Variants in ADAMTSL1 observed in about 807,000 individuals in gnomAD.
ADAMTSL1 encodes the protein ADAMTS like 1, also known as ADAMTS-like protein 1.
Under a neutral mutation model 201.8 loss-of-function variants are expected in ADAMTSL1, and 126 were observed. The observed-to-expected ratio is 0.62, with a 90% CI of 0.54 to 0.72. The LOEUF (loss-of-function observed/expected upper bound fraction) is 0.72. ADAMTSL1 is among the 30% of genes least tolerant of loss of function. ADAMTSL1 has a pLI of 0.00. For missense variants in ADAMTSL1, 2,679 were observed against 2,277.8 expected (o/e 1.18, Z -3.59); for synonymous variants, 1,121 against 903.4 (o/e 1.24, Z -4.32).
At chr9:18,890,613 T>C (rs1829190491) in intron 25 of ADAMTSL1, 1 of 455,804 alleles carries the variant, frequency 2.2e-6, no homozygotes, top group Non-Finnish European at 4.4e-6. Flanking sequence ...AACATGCTCA[T>C]TAATATCAGC....
intron 2 of ADAMTSL1, among the ~76,000 whole-genome samples, chr9:18,361,561 G>A (rs765798897): frequency 6.6e-6 from 1 of 152,110 alleles, no homozygotes; most frequent in Admixed American, 6.6e-5. Flanking sequence ...AAACAATAGG[G>A]AAATTATATT....
At chr9:18,372,370 G>A (rs1449595163) in intron 2 of ADAMTSL1, among the ~76,000 whole-genome samples, 2 of 152,098 alleles carry the variant, frequency 1.3e-5, no homozygotes, top group Non-Finnish European at 2.9e-5. Flanking sequence ...TGGAATAATG[G>A]GAACAGCACT....
At chr9:18,783,572 A>G (rs1255313411) in intron 19 of ADAMTSL1, among the ~76,000 whole-genome samples, 3 of 152,222 alleles carry the variant, frequency 2.0e-5, no homozygotes, top group Non-Finnish European at 4.4e-5. Flanking sequence ...TTGGCAAATT[A>G]CAGCCAGTGG....
chr9:18,358,409 G>T (rs1836352491), intron 2 of ADAMTSL1, among the ~76,000 whole-genome samples: 1 of 152,084 alleles, frequency 6.6e-6, no homozygotes, highest in African/African-American at 2.4e-5. Flanking sequence ...TTATTTTAAA[G>T]TATAAAATTT....
chr9:18,661,369 T>A (rs774548372), intron 8 of ADAMTSL1, among the ~76,000 whole-genome samples: 25 of 152,118 alleles, frequency 1.6e-4, no homozygotes, highest in Non-Finnish European at 3.2e-4. Context: ...ATGTCTACTG[T>A]TGGAATCTCA....
intron 2 of ADAMTSL1, among the ~76,000 whole-genome samples, chr9:18,284,857 A>G (rs1832934455): frequency 6.6e-6 from 1 of 152,210 alleles, no homozygotes; most frequent in Non-Finnish European, 1.5e-5. Flanking sequence ...TTTTATATGA[A>G]TAAATAGAAA....
intron 1 of ADAMTSL1, among the ~76,000 whole-genome samples, chr9:18,029,965 C>T (rs1202678641): frequency 2.6e-5 from 4 of 151,598 alleles, no homozygotes; most frequent in Non-Finnish European, 3.0e-5. Flanking sequence ...TAAACTAGTT[C>T]AACCATTGTG....
chr9:18,017,116 A>G (rs1202164922), intron 1 of ADAMTSL1, among the ~76,000 whole-genome samples: 4 of 152,032 alleles, frequency 2.6e-5, no homozygotes, highest in Admixed American at 2.6e-4. Flanking sequence ...ATTTTGCACA[A>G]AAGATTAAAC....
At chr9:18,529,254 C>G (rs995190267) in intron 2 of ADAMTSL1, among the ~76,000 whole-genome samples, 1 of 152,132 alleles carries the variant, frequency 6.6e-6, no homozygotes, top group Non-Finnish European at 1.5e-5. Flanking sequence ...CTATGTTTTT[C>G]TAGAAACGGA....
chr9:18,534,785 G>C (rs1478873336), intron 3 of ADAMTSL1, among the ~76,000 whole-genome samples: 1 of 152,172 alleles, frequency 6.6e-6, no homozygotes, highest in Non-Finnish European at 1.5e-5. Flanking sequence ...CAAGGCTTGG[G>C]GCTTGCACCC....
chr9:18,147,270 A>G (rs1024098152), intron 1 of ADAMTSL1, among the ~76,000 whole-genome samples: 10 of 152,152 alleles, frequency 6.6e-5, no homozygotes, highest in Non-Finnish European at 1.2e-4. Flanking sequence ...TAAGTTAGGA[A>G]TGTAATAAAT....
intron 1 of ADAMTSL1, among the ~76,000 whole-genome samples, chr9:17,968,956 A>C (rs1818089670): frequency 1.3e-5 from 2 of 152,076 alleles, no homozygotes; most frequent in Admixed American, 6.6e-5. Flanking sequence ...AGATATTTCC[A>C]ATGTGCTCGT....
intron 4 of ADAMTSL1, among the ~76,000 whole-genome samples, chr9:18,606,650 T>C (rs1889010): frequency 0.55 from 84,139 of 151,874 alleles, 23,745 homozygotes; most frequent in East Asian, 0.77. Context: ...GGCAGTTGCT[T>C]TGGTTTTGTC....
chr9:18,582,666 G>A (rs1043686630), intron 4 of ADAMTSL1, among the ~76,000 whole-genome samples: 29 of 151,924 alleles, frequency 1.9e-4, no homozygotes, highest in Admixed American at 1.6e-3. Context: ...GGCTAACATG[G>A]TGAAACCCCA....
intron 15 of ADAMTSL1, among the ~76,000 whole-genome samples, chr9:18,735,240 T>C (rs1220818893): frequency 6.6e-6 from 1 of 152,218 alleles, no homozygotes; most frequent in Admixed American, 6.5e-5. Flanking sequence ...ACATGGTTCA[T>C]GCAATCCCAA....
intron 2 of ADAMTSL1, among the ~76,000 whole-genome samples, chr9:18,384,360 A>G (rs908518885): frequency 6.6e-6 from 1 of 152,150 alleles, no homozygotes. Context: ...CCGTGATTCA[A>G]TCACCTCTCA....
intron 2 of ADAMTSL1, among the ~76,000 whole-genome samples, chr9:18,334,390 C>T (rs1835146827): frequency 3.9e-5 from 6 of 152,116 alleles, no homozygotes; most frequent in Admixed American, 3.9e-4. Flanking sequence ...TGCACACATG[C>T]AAGAGATTAG....
At chr9:18,790,145 T>G (rs1821939511) in intron 19 of ADAMTSL1, among the ~76,000 whole-genome samples, 1 of 152,222 alleles carries the variant, frequency 6.6e-6, no homozygotes, top group African/African-American at 2.4e-5. Flanking sequence ...GAGACCTTTT[T>G]ACTTGGAAAA....
chr9:18,572,953 A>T (rs1024014305), intron 3 of ADAMTSL1, among the ~76,000 whole-genome samples: 15 of 152,328 alleles, frequency 9.8e-5, no homozygotes, highest in African/African-American at 3.4e-4. Flanking sequence ...AGAATAAGAT[A>T]AACCTATCAA....
Sources: allele counts gnomAD v4.1 joint callset (sites outside exome capture counted in the v4.1 genomes callset), GRCh38; gene constraint gnomAD v4.1.1; transcripts MANE v1.5; gene names NCBI Gene and HGNC (gene_info 2026-07-23, HGNC 2026-07-21).